Variants in CAMK4 observed in about 807,000 individuals in gnomAD.
CAMK4 encodes the protein calcium/calmodulin dependent protein kinase IV.
In CAMK4, 22 loss-of-function variants were observed where a neutral mutation model predicts 44.9. The ratio of observed to expected loss-of-function variants is 0.49; its 90% CI spans 0.35 to 0.70. The LOEUF is 0.70. Ranked by LOEUF, CAMK4 falls within the 30% of genes least tolerant of loss-of-function variation. The pLI is 0.01. For missense variants in CAMK4, 498 were observed against 586.8 expected, an observed-to-expected ratio of 0.85 and a Z score of 1.56; for synonymous variants, 218 against 215.4, an observed-to-expected ratio of 1.01 and a Z score of -0.11.
At position 111,392,653 on chromosome 5, in the gene CAMK4, C is replaced by T. The variant is rs537685394; in HGVS notation, c.387-2057C>T. 2.2e-3 allele frequency among the ~76,000 whole-genome samples: 333 copies of T among 152,092 alleles called. 1 individual carries two copies. The highest frequency in any genetic ancestry group is 4.1e-3 in the Non-Finnish European group (280 of 67,976). ...CCACATAGTAAAAACATATATAAAA[C>T]ATTTTGTACATATTAACCTGATAAT... On this transcript the variant is annotated intron_variant, in intron 4 of 10. Coordinates refer to ENST00000282356, the MANE Select transcript of CAMK4 (RefSeq NM_001744.6).
intron 1 of CAMK4, among the ~76,000 whole-genome samples, chr5:111,339,215 A>G (rs1749537867): frequency 1.3e-5 from 2 of 151,408 alleles, no homozygotes; most frequent in African/African-American, 2.4e-5. Context: ...TTGGCTGTGC[A>G]GAAGCTTTCT....
chr5:111,253,471 G>T (rs1450212700), intron 1 of CAMK4, among the ~76,000 whole-genome samples: 1 of 152,096 alleles, frequency 6.6e-6, no homozygotes, highest in Non-Finnish European at 1.5e-5. Context: ...CATGTCACCT[G>T]GGGAACTCCA....
intron 5 of CAMK4, among the ~76,000 whole-genome samples, chr5:111,446,161 G>A (rs1754020925): frequency 6.6e-6 from 1 of 152,198 alleles, no homozygotes; most frequent in African/African-American, 2.4e-5. Flanking sequence ...GCCTATGAGT[G>A]CATCCATCAT....
intron 4 of CAMK4, among the ~76,000 whole-genome samples, chr5:111,386,528 C>A (rs1400965821): frequency 1.3e-5 from 2 of 152,078 alleles, no homozygotes; most frequent in African/African-American, 2.4e-5. Context: ...AGCTGCTGTG[C>A]GCGTGTTAAC....
chr5:111,310,156 C>G (rs958818219), intron 1 of CAMK4, among the ~76,000 whole-genome samples: 8 of 152,076 alleles, frequency 5.3e-5, no homozygotes, highest in African/African-American at 1.9e-4. Flanking sequence ...TGTGCTCCTC[C>G]GTCATGGCCA....
At chr5:111,342,358 G>A (rs1471179384) in intron 1 of CAMK4, among the ~76,000 whole-genome samples, 3 of 151,380 alleles carry the variant, frequency 2.0e-5, no homozygotes, top group Admixed American at 6.6e-5. Flanking sequence ...TGACGCCTTC[G>A]TAATTAATGT....
intron 1 of CAMK4, among the ~76,000 whole-genome samples, chr5:111,245,146 G>A (rs1427701004): frequency 6.6e-6 from 1 of 152,074 alleles, no homozygotes; most frequent in African/African-American, 2.4e-5. Flanking sequence ...CTTTTTTACA[G>A]TTGGGGACAT....
intron 1 of CAMK4, among the ~76,000 whole-genome samples, chr5:111,244,687 C>G (rs1337995612): frequency 6.6e-6 from 1 of 152,028 alleles, no homozygotes; most frequent in Non-Finnish European, 1.5e-5. Context: ...ATGGCGAAAC[C>G]CCATCTCTAT....
At chr5:111,238,042 A>AG (rs1428534669) in intron 1 of CAMK4, among the ~76,000 whole-genome samples, 1 of 152,114 alleles carries the variant, frequency 6.6e-6, no homozygotes, top group African/African-American at 2.4e-5. Context: ...ACCAGAGGCC[A>AG]GGGGAGCGTG....
intron 5 of CAMK4, among the ~76,000 whole-genome samples, chr5:111,442,772 T>A (rs1561490780): frequency 1.3e-5 from 2 of 148,372 alleles, no homozygotes. Context: ...AAAATATAAA[T>A]ATTATATATC....
In CAMK4 at chr5:111,317,270, G is replaced by A. The variant is rs115124534; in HGVS notation, c.162-26754G>A. Among the ~76,000 whole-genome samples, 122 of 152,206 alleles carry A rather than the reference G, an allele frequency of 8.0e-4. 1 individual carries two copies. The highest frequency in any genetic ancestry group is 1.2e-3 in the Non-Finnish European group (84 of 68,014). ...AAATTTCACAGTTACATTACATAGT[G>A]ATTTAAATTAGTTCAGGTTAGTTTA... On this transcript the variant is annotated intron_variant, in intron 1 of 10. Coordinates refer to ENST00000282356, the MANE Select transcript of CAMK4 (RefSeq NM_001744.6).
At chr5:111,308,351 G>A (rs1342427847) in intron 1 of CAMK4, among the ~76,000 whole-genome samples, 1 of 152,076 alleles carries the variant, frequency 6.6e-6, no homozygotes, top group African/African-American at 2.4e-5. Context: ...TCAAAAGCCT[G>A]GGGCTCAGAA....
At position 111,395,908 on chromosome 5, in the gene CAMK4, A is replaced by G. The variant is rs150569390; in HGVS notation, c.459+1126A>G. 3.1e-3 allele frequency among the ~76,000 whole-genome samples: 469 copies of G among 152,328 alleles called. 2 individuals carry two copies. The highest frequency in any genetic ancestry group is 0.011 in the African/African-American group (440 of 41,584). ...TCAGTTAAAGAGACAAATCTATAAA[A>G]TATATCCAGAATTAAGATATACTCT... is the stretch of plus-strand genomic sequence containing the variant. On this transcript the variant is annotated intron_variant, in intron 5 of 10. Coordinates refer to ENST00000282356, the MANE Select transcript of CAMK4 (RefSeq NM_001744.6).
At chr5:111,427,990 AC>A (rs1200850892) in intron 5 of CAMK4, among the ~76,000 whole-genome samples, 4 of 152,254 alleles carry the variant, frequency 2.6e-5, no homozygotes, top group Non-Finnish European at 5.9e-5. Flanking sequence ...AGTGGTGGCC[AC>A]AGGGGTGCTT....
intron 1 of CAMK4, among the ~76,000 whole-genome samples, chr5:111,272,853 G>C (rs75023666): frequency 1.3e-5 from 2 of 152,156 alleles, no homozygotes; most frequent in East Asian, 3.9e-4. Context: ...AAATGAATTT[G>C]CTAGGACTAT....
chr5:111,469,306 A>G, intron 7 of CAMK4, among the ~76,000 whole-genome samples: 1 of 150,742 alleles, frequency 6.6e-6, no homozygotes, highest in South Asian at 2.1e-4. Flanking sequence ...TTTAAAAACA[A>G]TTATTTTTAA....
At chr5:111,403,988 T>C (rs1752325921) in intron 5 of CAMK4, among the ~76,000 whole-genome samples, 1 of 152,174 alleles carries the variant, frequency 6.6e-6, no homozygotes, top group Admixed American at 6.5e-5. Flanking sequence ...CTATTTCTTA[T>C]AAAAGGTTAC....
At position 111,482,692 on chromosome 5, in the gene CAMK4, G is replaced by C. The variant is rs970535770; in HGVS notation, c.829-93G>C. On this transcript the variant is annotated intron_variant, in intron 9 of 10. Coordinates refer to ENST00000282356, the MANE Select transcript of CAMK4 (RefSeq NM_001744.6). The surrounding 1 kb of genome is among the most constrained non-coding windows in gnomAD (Gnocchi z 4.9). ...TCACATATATTTAGTGGTACTGCTGGGAAATGGAATAAGATCTGGAAGTTT... is the reference window on the plus strand; with the variant it reads ...TCACATATATTTAGTGGTACTGCTGCGAAATGGAATAAGATCTGGAAGTTT... The C allele has an allele frequency of 9.4e-7, 1 of 1,067,088 alleles. No individual in the cohort carries two copies. The highest frequency in any genetic ancestry group is 1.6e-5 in the African/African-American group (1 of 62,058). 66.1% of individuals were successfully genotyped at this position (1,067,088 alleles called of 1,614,324 possible).
chr5:111,273,710 T>TAC (rs1561377934), intron 1 of CAMK4, among the ~76,000 whole-genome samples: 6 of 59,088 alleles, frequency 1.0e-4, no homozygotes, highest in African/African-American at 4.8e-4. Flanking sequence ...TATATATATA[T>TAC]ATATATATAC....
Sources: gnomAD v4.1 joint callset for allele counts (sites outside exome capture counted in the v4.1 genomes callset) on GRCh38, gnomAD v4.1.1 for gene constraint, Gnocchi (gnomAD v3.1) non-coding constraint, MANE v1.5 for transcripts, NCBI Gene and HGNC (gene_info 2026-07-23, HGNC 2026-07-21) for gene names.